The following ASPSCR1 variants were observed in gnomAD, a reference collection of about 807,000 sequenced individuals.
ASPSCR1 encodes ASPSCR1 tether for SLC2A4, UBX domain containing.
A neutral mutation model predicts 68.9 loss-of-function variants in ASPSCR1; 55 were observed. That is an observed-to-expected ratio of 0.80 (90% confidence interval 0.64 to 1.00). ASPSCR1 has a LOEUF of 1.00. Ranked by LOEUF, ASPSCR1 falls within the 50% of genes least tolerant of loss-of-function variation. The pLI is 0.00. For synonymous variants in ASPSCR1, 352 were observed against 332.6 expected (o/e 1.06, Z -0.63); for missense variants, 765 against 762.2 (o/e 1.00, Z -0.04).
At chr17:82,015,436 A>C in intron 12 of ASPSCR1, 1 of 1,478,860 alleles carries the variant, frequency 6.8e-7, no homozygotes. Flanking sequence ...TGCCAAGCCT[A>C]CTTCCCTCTC....
intron 6 of ASPSCR1, 75 bp downstream of exon 6, chr17:81,996,140 G>C: frequency 6.8e-7 from 1 of 1,465,904 alleles, no homozygotes; most frequent in South Asian, 1.4e-5. Flanking sequence ...AAGGAGAAAG[G>C]ACACGTGGCA....
chr17:82,010,330 CCATCCTGGCTGA>C (rs1477383819), intron 9 of ASPSCR1, among the ~76,000 whole-genome samples: 2 of 151,086 alleles, frequency 1.3e-5, no homozygotes, highest in Non-Finnish European at 3.0e-5. Context: ...GAGATCGAGA[CCATCCTGGCTGA>C]CACGGTGAAA....
chr17:81,985,515 C>T lies in ASPSCR1; in HGVS notation c.282C>T (p.Ile94=), dbSNP rs369083342. The change falls in exon 4 of 16, where the codon ATC becomes ATT. Residue 94 remains isoleucine, a synonymous_variant. Transcript: ENST00000306739. Reference sequence around the variant, plus strand: ...TGTCTTATACCCTCCAGGTTCGCATCGCTTTGCAGCTGGACGATGGCTCGA... The same window carrying T: ...TGTCTTATACCCTCCAGGTTCGCATTGCTTTGCAGCTGGACGATGGCTCGA... ...SREGPENMVR[I]ALQLDDGSRL... is the part of the protein sequence containing the mutation. 3.4e-5 allele frequency: 55 copies of T among 1,613,942 alleles called. No homozygotes were observed. Among genetic ancestry groups the T allele is most frequent in the Non-Finnish European group, 4.3e-5 (51 of 1,180,010 alleles).
intron 3 of ASPSCR1, 48 bp from the exon 4 acceptor site, chr17:81,985,459 T>A: frequency 6.4e-7 from 1 of 1,564,664 alleles, no homozygotes; most frequent in South Asian, 1.1e-5. Context: ...TTAGAAGGAA[T>A]AGTTGCTTTT....
chr17:82,009,084 C>T lies in ASPSCR1; in HGVS notation c.981C>T (p.Pro327=), dbSNP rs144193916. ...PVDREPVVCH[P]DLEERLQAWP... ...ACCGGGAGCCGGTGGTGTGCCACCC[C>T]GACCTGGAGGAGCGGCTGCAGGCCT... The change falls in exon 8 of 16, where the codon CCC becomes CCT. Residue 327 remains proline, a synonymous_variant. Coordinates refer to ENST00000306739, the MANE Select transcript of ASPSCR1 (RefSeq NM_024083.4). The T allele has an allele frequency of 1.1e-3, 1,790 of 1,579,612 alleles. 3 individuals carry two copies. The highest frequency in any genetic ancestry group is 1.2e-3 in the Non-Finnish European group (1,429 of 1,162,822).
chr17:81,983,690 GCTGA>G lies in ASPSCR1; in HGVS notation c.273+26_273+29del. The G allele has an allele frequency of 6.3e-7, 1 of 1,578,784 alleles. No homozygotes were observed. The highest frequency in any genetic ancestry group is 8.7e-7 in the Non-Finnish European group (1 of 1,154,680). Reference sequence around the variant, plus strand: ...CATGGTGGGTCGTGCTCTGGGGGAGGCTGACTGTGTGGGGCACAGGATCGTTCAG... The same window carrying G: ...CATGGTGGGTCGTGCTCTGGGGGAGGCTGTGTGGGGCACAGGATCGTTCAG... On this transcript the variant is annotated intron_variant, in intron 3 of 15. Coordinates refer to ENST00000306739, the MANE Select transcript of ASPSCR1 (RefSeq NM_024083.4). This position sits in a 1 kb window ranked among gnomAD's most constrained non-coding sequence, Gnocchi z 4.4.
intron 1 of ASPSCR1, 76 bp from the exon 2 acceptor site, chr17:81,979,108 C>T (rs895181832): frequency 9.3e-5 from 140 of 1,510,720 alleles, no homozygotes; most frequent in Admixed American, 2.5e-4. Flanking sequence ...AGCTGAATGC[C>T]CTTGGCTGAC....
At position 81,990,305 on chromosome 17, in the gene ASPSCR1, C is replaced by G. The variant is rs2042118603; in HGVS notation, c.375-4516C>G. 6.6e-6 allele frequency among the ~76,000 whole-genome samples: 1 copy of G among 152,226 alleles called. No homozygotes were observed. The highest frequency in any genetic ancestry group is 2.1e-4 in the South Asian group (1 of 4,836). On this transcript the variant is annotated intron_variant, in intron 4 of 15. Coordinates refer to ENST00000306739, the MANE Select transcript of ASPSCR1 (RefSeq NM_024083.4). This position sits in a 1 kb window ranked among gnomAD's most constrained non-coding sequence, Gnocchi z 4.1. ...GCCGGGTCCTCGTGGACTGGGCGCTCTCCACTCTGCTTCTCAGGCTCTGCT... is the reference window on the plus strand; with the variant it reads ...GCCGGGTCCTCGTGGACTGGGCGCTGTCCACTCTGCTTCTCAGGCTCTGCT...
At chr17:82,011,796 C>T (rs1244856636) in intron 11 of ASPSCR1, among the ~76,000 whole-genome samples, 191 bp downstream of exon 11, 3 of 152,114 alleles carry the variant, frequency 2.0e-5, no homozygotes, top group African/African-American at 7.2e-5. Context: ...CTCCCCGAGC[C>T]AGGCGGTGGG....
At chr17:82,003,782 C>T (rs1409753555) in intron 7 of ASPSCR1, among the ~76,000 whole-genome samples, 1 of 152,264 alleles carries the variant, frequency 6.6e-6, no homozygotes, top group African/African-American at 2.4e-5. Context: ...CCTGGCACAG[C>T]CTCTCCTGCT....
intron 14 of ASPSCR1, 24 bp from the exon 15 acceptor site, chr17:82,016,917 C>T (rs1301380964): frequency 1.2e-6 from 2 of 1,611,698 alleles, no homozygotes; most frequent in East Asian, 2.2e-5. Flanking sequence ...GCACTCACCA[C>T]TCTGTGTCTT....
At position 82,009,067 on chromosome 17, in the gene ASPSCR1, C is replaced by T. The variant is rs1464853280; in HGVS notation, c.964C>T (p.Pro322Ser). Residue 322 changes from proline to serine, a missense_variant, in exon 8 of 16, where the codon CCG becomes TCG. Transcript: ENST00000306739. ...PVDREPVDREPVVCHPDLEER... is the reference protein window; with the variant it reads ...PVDREPVDRESVVCHPDLEER... ...GGACCGGGAGCCCGTGGACCGGGAG[C>T]CGGTGGTGTGCCACCCCGACCTGGA... 1 of 1,567,334 alleles carries T rather than the reference C, an allele frequency of 6.4e-7. No individual in the cohort carries two copies. Among genetic ancestry groups the T allele is most frequent in the Non-Finnish European group, 8.6e-7 (1 of 1,156,834 alleles).
intron 7 of ASPSCR1, chr17:82,006,670 G>C (rs185873835): frequency 2.0e-5 from 3 of 152,404 alleles, no homozygotes; most frequent in East Asian, 3.9e-4. Context: ...AGGCTGGGGA[G>C]GGGGGACGGG....
intron 4 of ASPSCR1, among the ~76,000 whole-genome samples, chr17:81,985,812 C>T (rs1036527361): frequency 1.1e-4 from 16 of 152,102 alleles, no homozygotes; most frequent in Non-Finnish European, 1.8e-4. Context: ...CACAGCTCAT[C>T]GTTCTGAGTT....
In ASPSCR1 at chr17:81,990,546, G is replaced by A. The variant is rs1030350284; in HGVS notation, c.375-4275G>A. ...GACACTGCTCTCTGCCTGCCTGGTG[G>A]GCCTGTGTCTGAGTTTGGGATCTTC... On this transcript the variant is annotated intron_variant, in intron 4 of 15. Coordinates refer to ENST00000306739, the MANE Select transcript of ASPSCR1 (RefSeq NM_024083.4). This position sits in a 1 kb window ranked among gnomAD's most constrained non-coding sequence, Gnocchi z 4.1. Among the ~76,000 whole-genome samples, 7 of 152,124 alleles carry A rather than the reference G, an allele frequency of 4.6e-5. No homozygotes were observed. The highest frequency in any genetic ancestry group is 1.7e-4 in the African/African-American group (7 of 41,406).
rs1158848791 is a variant in ASPSCR1 at position 81,987,209 on chromosome 17, G to C, written c.374+1602G>C. On this transcript the variant is annotated intron_variant, in intron 4 of 15. Transcript: ENST00000306739. The surrounding 1 kb of genome is among the most constrained non-coding windows in gnomAD (Gnocchi z 5.6). ...CGAGGCAGGAGATGACGGAGCCTGA[G>C]AGCAAAGCGAAGCCACGGGCAGGGG... is the stretch of plus-strand genomic sequence containing the variant. 1.3e-5 allele frequency among the ~76,000 whole-genome samples: 2 copies of C among 151,682 alleles called. No homozygotes were observed. Among genetic ancestry groups the C allele is most frequent in the African/African-American group, 2.4e-5 (1 of 41,170 alleles).
intron 3 of ASPSCR1, 45 bp from the exon 4 acceptor site, chr17:81,985,462 T>A (rs1428712080): frequency 6.3e-7 from 1 of 1,576,908 alleles, no homozygotes; most frequent in Non-Finnish European, 8.7e-7. Flanking sequence ...GAAGGAATAG[T>A]TGCTTTTCTT....
In ASPSCR1 at chr17:82,011,646, C is replaced by T. The variant is rs368381332; in HGVS notation, c.1300+41C>T. 26 of 1,595,426 alleles carry T rather than the reference C, an allele frequency of 1.6e-5. No homozygotes were observed. In the South Asian group the frequency reaches 2.2e-4, roughly 14 times the overall value. ...TGAGCCCACTCCTGCCTCCAGTGCT[C>T]GGGGCCTTGGTGCTGTGGGCACACC... On this transcript the variant is annotated intron_variant, in intron 11 of 15. Transcript: ENST00000306739.
At chr17:81,979,337 T>A in intron 2 of ASPSCR1, 98 bp downstream of exon 2, 1 of 1,341,388 alleles carries the variant, frequency 7.5e-7, no homozygotes, top group Non-Finnish European at 1.1e-6. Flanking sequence ...CAGGTGGTTT[T>A]AAACAGTCAT....
Sources: allele counts gnomAD v4.1 joint callset (sites outside exome capture counted in the v4.1 genomes callset), GRCh38; gene constraint gnomAD v4.1.1; non-coding constraint Gnocchi (gnomAD v3.1); transcripts MANE v1.5; gene names NCBI Gene and HGNC (gene_info 2026-07-23, HGNC 2026-07-21).